The following ERG variants were observed in gnomAD, a reference collection of about 807,000 sequenced individuals.
ERG encodes the protein transcriptional regulator ERG.
In ERG, 9 loss-of-function variants were observed where a neutral mutation model predicts 55.3. The observed-to-expected ratio is 0.16, with a 90% confidence interval of 0.10 to 0.28. ERG has a LOEUF of 0.28. Among genes scored for constraint, ERG ranks in the 10% least tolerant of loss-of-function variants. The pLI, the probability that ERG is intolerant of heterozygous loss-of-function variation, is 1.00. For missense variants in ERG, 434 were observed against 631.6 expected, an observed-to-expected ratio of 0.69 and a Z score of 3.35; for synonymous variants, 223 against 237.3, an observed-to-expected ratio of 0.94 and a Z score of 0.55.
chr21:38,539,510 A>G (rs542270574), intron 2 of ERG, among the ~76,000 whole-genome samples: 1 of 152,302 alleles, frequency 6.6e-6, no homozygotes, highest in African/African-American at 2.4e-5. Context: ...TTCACATCCT[A>G]TGTTCACTGT....
chr21:38,505,786 T>G (rs1224337480), intron 2 of ERG, among the ~76,000 whole-genome samples: 1 of 152,176 alleles, frequency 6.6e-6, no homozygotes, highest in Non-Finnish European at 1.5e-5. Context: ...AGAACTACAC[T>G]GCATTGTTGA....
chr21:38,600,097 G>A (rs1249281566), intron 1 of ERG, among the ~76,000 whole-genome samples: 1 of 152,210 alleles, frequency 6.6e-6, no homozygotes, highest in Non-Finnish European at 1.5e-5. Context: ...AAGTTTACAA[G>A]AGCGAGCATA....
intron 6 of ERG, among the ~76,000 whole-genome samples, chr21:38,396,413 T>C (rs1343510916): frequency 6.6e-6 from 1 of 152,222 alleles, no homozygotes; most frequent in Non-Finnish European, 1.5e-5. Flanking sequence ...TGCTATGCAG[T>C]AGTTGTATTG....
chr21:38,578,889 C>T lies in ERG; in HGVS notation c.-126-3142G>A, dbSNP rs139343993. Among the ~76,000 whole-genome samples the T allele has an allele frequency of 5.8e-4, 88 of 152,238 alleles. No individual in the cohort carries two copies. In the East Asian group the frequency reaches 0.016, roughly 28 times the overall value. On this transcript the variant is annotated intron_variant, in intron 1 of 8. Coordinates refer to the ERG transcript ENST00000398897. ...ACTTTGCAATGTACAATCAGATTAC[C>T]GAGATCTTCGTTAAAATTTTTCTAG...
chr21:38,569,781 AC>A (rs1207297808), intron 2 of ERG, among the ~76,000 whole-genome samples: 1 of 152,054 alleles, frequency 6.6e-6, no homozygotes, highest in African/African-American at 2.4e-5. Context: ...AACACATATT[AC>A]GTTTCTCTGA....
chr21:38,510,501 G>A (rs1426148147), intron 2 of ERG, among the ~76,000 whole-genome samples: 1 of 152,178 alleles, frequency 6.6e-6, no homozygotes, highest in African/African-American at 2.4e-5. Flanking sequence ...TAACTCAAGA[G>A]GTTTTGCCTA....
intron 2 of ERG, among the ~76,000 whole-genome samples, chr21:38,444,472 ATTTCGAAGAAATAATCTG>A (rs1425047214): frequency 6.6e-6 from 1 of 152,216 alleles, no homozygotes; most frequent in Non-Finnish European, 1.5e-5. Flanking sequence ...ATTATGCAAC[ATTTCGAAGAAATAATCTG>A]TTCTTTATCC....
chr21:38,651,075 G>A lies in ERG; in HGVS notation c.-150+10583C>T, dbSNP rs191707204. ...CCTGGAGTTGTCGCAGCATGATTCC[G>A]GCAAAAGCCGCACTATTTGTTAGCT... On this transcript the variant is annotated intron_variant, in intron 1 of 10. Coordinates refer to the ERG transcript ENST00000398910. 3.5e-3 allele frequency among the ~76,000 whole-genome samples: 532 copies of A among 152,274 alleles called. 13 individuals are homozygous for A. Among genetic ancestry groups the A allele is most frequent in the Non-Finnish European group, 9.0e-4 (61 of 68,030 alleles).
At chr21:38,452,904 G>A (rs2058954583) in intron 1 of ERG, among the ~76,000 whole-genome samples, 1 of 152,180 alleles carries the variant, frequency 6.6e-6, no homozygotes, top group Admixed American at 6.5e-5. Flanking sequence ...TCCTCTGTAT[G>A]TCTGCCTCTA....
chr21:38,432,833 C>G (rs1438207643), intron 2 of ERG, among the ~76,000 whole-genome samples: 1 of 152,242 alleles, frequency 6.6e-6, no homozygotes, highest in African/African-American at 2.4e-5. Context: ...CCGCCCCACT[C>G]TATGCCCTTG....
At chr21:38,410,303 G>A (rs1344507221) in intron 3 of ERG, among the ~76,000 whole-genome samples, 10 of 152,186 alleles carry the variant, frequency 6.6e-5, no homozygotes, top group African/African-American at 2.2e-4. Flanking sequence ...AAGATAAGTT[G>A]TTCATTTTCA....
intron 1 of ERG, among the ~76,000 whole-genome samples, chr21:38,593,457 G>A (rs2060113295): frequency 6.6e-6 from 1 of 152,164 alleles, no homozygotes; most frequent in East Asian, 1.9e-4. Flanking sequence ...TTCTAAGAAA[G>A]TTCATCAAAC....
intron 6 of ERG, among the ~76,000 whole-genome samples, chr21:38,397,415 T>G (rs891573811): frequency 6.6e-6 from 1 of 151,730 alleles, no homozygotes; most frequent in Admixed American, 6.6e-5. Context: ...CTGACCAATA[T>G]GGTGAAACCC....
intron 1 of ERG, among the ~76,000 whole-genome samples, chr21:38,497,686 C>A (rs1379066459): frequency 6.6e-6 from 1 of 152,178 alleles, no homozygotes; most frequent in African/African-American, 2.4e-5. Flanking sequence ...AACCGACCGG[C>A]CATTGCTTTC....
At chr21:38,394,193 GA>G (rs961719435) in intron 6 of ERG, among the ~76,000 whole-genome samples, 2 of 151,944 alleles carry the variant, frequency 1.3e-5, no homozygotes, top group Non-Finnish European at 2.9e-5. Flanking sequence ...TTTACCAAAT[GA>G]AAAAAAGCAA....
chr21:38,606,572 G>T (rs987266692), intron 1 of ERG, among the ~76,000 whole-genome samples: 8 of 152,090 alleles, frequency 5.3e-5, no homozygotes, highest in African/African-American at 1.7e-4. Flanking sequence ...ACCCCAAACA[G>T]CATGGATAAA....
intron 1 of ERG, among the ~76,000 whole-genome samples, chr21:38,656,250 C>G (rs999658183): frequency 1.3e-5 from 2 of 152,204 alleles, no homozygotes; most frequent in African/African-American, 4.8e-5. Context: ...TGTCCCATGT[C>G]ATTGGGCCAT....
intron 1 of ERG, among the ~76,000 whole-genome samples, chr21:38,457,954 T>C (rs2146588257): frequency 6.6e-6 from 1 of 152,320 alleles, no homozygotes; most frequent in African/African-American, 2.4e-5. Context: ...GACTTGCACT[T>C]GTCGCTATTT....
intron 1 of ERG, among the ~76,000 whole-genome samples, chr21:38,618,917 C>A (rs2060274284): frequency 6.6e-6 from 1 of 152,212 alleles, no homozygotes. Context: ...AAGGGCAGAA[C>A]CCAATCCTGA....
Sources: allele counts gnomAD v4.1 joint callset (sites outside exome capture counted in the v4.1 genomes callset), GRCh38; gene constraint gnomAD v4.1.1; transcripts MANE v1.5; gene names NCBI Gene and HGNC (gene_info 2026-07-23, HGNC 2026-07-21).